DNAJC11: variants seen among roughly 807,000 people sequenced by gnomAD.
The protein encoded by DNAJC11 is dnaJ homolog subfamily C member 11.
A neutral mutation model predicts 78.6 loss-of-function variants in DNAJC11; 15 were observed. That is an observed-to-expected ratio of 0.19 (90% confidence interval 0.13 to 0.29). DNAJC11 has a LOEUF of 0.29. DNAJC11 is among the 10% of genes least tolerant of loss of function. The probability of loss-of-function intolerance (pLI) is 1.00; values close to 1 mark genes in which losing one functional copy is unlikely to be tolerated. For missense variants in DNAJC11, 547 were observed against 709.6 expected (o/e 0.77, Z 2.60); for synonymous variants, 292 against 272.1 (o/e 1.07, Z -0.72).
At chr1:6,647,213 C>T (rs1308259085) in intron 7 of DNAJC11, among the ~76,000 whole-genome samples, 4 of 150,624 alleles carry the variant, frequency 2.7e-5, no homozygotes, top group Non-Finnish European at 5.9e-5. Context: ...TCCTGGGTAG[C>T]TGGGACTACA....
chr1:6,638,233 CAT>C, intron 12 of DNAJC11, 60 bp downstream of exon 12: 6 of 1,535,554 alleles, frequency 3.9e-6, no homozygotes, highest in Non-Finnish European at 5.3e-6. Flanking sequence ...CTGAGACCAA[CAT>C]GTGGGGTGTG....
At chr1:6,673,553 A>C (rs926556723) in intron 3 of DNAJC11, among the ~76,000 whole-genome samples, 1 of 152,208 alleles carries the variant, frequency 6.6e-6, no homozygotes, top group African/African-American at 2.4e-5. Context: ...GAAACGCTAC[A>C]ACAACAGTAC....
Position 6,635,485 on chromosome 1 carries a change from C to T in DNAJC11, c.*190G>A. 1.6e-6 allele frequency: 1 copy of T among 607,518 alleles called. No individual in the cohort carries two copies. Among genetic ancestry groups the T allele is most frequent in the Admixed American group, 3.0e-5 (1 of 33,102 alleles). The allele number at this position is 607,518 out of a possible 1,614,324, so 37.6% of individuals were successfully genotyped here. A position where few individuals can be genotyped will look rare whatever the true frequency, so the allele number is the denominator to read the frequency against. On this transcript the variant is annotated 3_prime_UTR_variant, in exon 16 of 16. Coordinates refer to ENST00000377577, the MANE Select transcript of DNAJC11 (RefSeq NM_018198.4). ...AGTCTGGTTCCCAGTGGGGCTGCCT[C>T]AGTCCTACCCCCAGCACCCTCAAAA...
chr1:6,672,619 G>A (rs1642397244), intron 3 of DNAJC11, among the ~76,000 whole-genome samples: 1 of 152,196 alleles, frequency 6.6e-6, no homozygotes, highest in Non-Finnish European at 1.5e-5. Flanking sequence ...GAGCGGTGAA[G>A]ACACTTAGCA....
chr1:6,644,583 G>A lies in DNAJC11; in HGVS notation c.1072C>T (p.Pro358Ser). The A allele has an allele frequency of 6.2e-7, 1 of 1,614,086 alleles. No individual in the cohort carries two copies. Among genetic ancestry groups the A allele is most frequent in the African/African-American group, 1.3e-5 (1 of 75,044 alleles). ...TTGACTTTGAGAGAAACACCCTGTG[G>A]AACTCCAACGCTGACAGCTGCACCC... ...VLGAAVSVGV[P>S]QGVSLKVKLN... The change falls in exon 10 of 16, where the codon CCA becomes TCA. Residue 358 changes from proline to serine, a missense_variant. Coordinates refer to ENST00000377577, the MANE Select transcript of DNAJC11 (RefSeq NM_018198.4).
At chr1:6,649,090 T>G (rs950628279) in intron 7 of DNAJC11, among the ~76,000 whole-genome samples, 1 of 152,198 alleles carries the variant, frequency 6.6e-6, no homozygotes, top group Non-Finnish European at 1.5e-5. Flanking sequence ...CCTCCCGGGT[T>G]CAAGCAATCC....
intron 7 of DNAJC11, among the ~76,000 whole-genome samples, chr1:6,650,528 T>C (rs908702789): frequency 1.3e-5 from 2 of 151,464 alleles, no homozygotes; most frequent in Non-Finnish European, 1.5e-5. Context: ...ATCGGACTAT[T>C]GCACTCTAGC....
chr1:6,673,349 C>A (rs767700440), intron 3 of DNAJC11, among the ~76,000 whole-genome samples: 12 of 151,604 alleles, frequency 7.9e-5, no homozygotes, highest in Admixed American at 2.0e-4. Flanking sequence ...AGGAGATATC[C>A]AAAAGCTAGG....
chr1:6,658,002 T>C (rs1043794920), intron 4 of DNAJC11, among the ~76,000 whole-genome samples: 1 of 152,210 alleles, frequency 6.6e-6, no homozygotes, highest in Non-Finnish European at 1.5e-5. Flanking sequence ...AACTTATGTT[T>C]CAAATCCTGT....
At chr1:6,699,143 T>C (rs1009466409) in intron 1 of DNAJC11, among the ~76,000 whole-genome samples, 1 of 150,802 alleles carries the variant, frequency 6.6e-6, no homozygotes, top group African/African-American at 2.4e-5. Context: ...CTACAAAAGA[T>C]ACAAAAATTA....
intron 4 of DNAJC11, among the ~76,000 whole-genome samples, chr1:6,657,908 G>A (rs983857304): frequency 6.6e-6 from 1 of 152,340 alleles, no homozygotes; most frequent in South Asian, 2.1e-4. Context: ...GCCTCCCAAA[G>A]TGCTGGGATT....
At chr1:6,648,140 A>AT (rs1557469954) in intron 7 of DNAJC11, among the ~76,000 whole-genome samples, 2 of 152,012 alleles carry the variant, frequency 1.3e-5, no homozygotes, top group African/African-American at 4.8e-5. Flanking sequence ...CCCCTCCCTC[A>AT]TAAGACCCAA....
intron 1 of DNAJC11, among the ~76,000 whole-genome samples, chr1:6,692,341 A>C (rs1642759194): frequency 6.6e-6 from 1 of 151,170 alleles, no homozygotes; most frequent in East Asian, 1.9e-4. Flanking sequence ...GCTTCTCTAA[A>C]CTCCACTTCC....
At chr1:6,646,268 C>T (rs1641964308) in intron 7 of DNAJC11, among the ~76,000 whole-genome samples, 1 of 152,208 alleles carries the variant, frequency 6.6e-6, no homozygotes, top group Admixed American at 6.5e-5. Flanking sequence ...TGCAACCCCA[C>T]TCAAGTTAGA....
chr1:6,690,958 G>C (rs192287072), intron 1 of DNAJC11, among the ~76,000 whole-genome samples: 7 of 152,184 alleles, frequency 4.6e-5, no homozygotes, highest in Non-Finnish European at 1.0e-4. Context: ...ACTTTGGAAA[G>C]AGCTTAGCAG....
At chr1:6,667,278 G>A (rs1227761617) in intron 4 of DNAJC11, among the ~76,000 whole-genome samples, 2 of 152,142 alleles carry the variant, frequency 1.3e-5, no homozygotes, top group African/African-American at 4.8e-5. Flanking sequence ...GTATCCTAAC[G>A]GGTAAGCAAG....
At chr1:6,673,588 C>T (rs1006968001) in intron 3 of DNAJC11, among the ~76,000 whole-genome samples, 2 of 152,144 alleles carry the variant, frequency 1.3e-5, no homozygotes, top group Non-Finnish European at 2.9e-5. Flanking sequence ...TAGCCTGCAC[C>T]CAGGTTCCCC....
chr1:6,651,449 T>C, intron 7 of DNAJC11, 80 bp downstream of exon 7: 1 of 1,262,184 alleles, frequency 7.9e-7, no homozygotes. Context: ...TGCCAACCAC[T>C]GTGATAAAAA....
intron 11 of DNAJC11, 38 bp downstream of exon 11, chr1:6,639,864 G>A (rs1451949167): frequency 6.3e-7 from 1 of 1,597,816 alleles, no homozygotes; most frequent in East Asian, 2.2e-5. Flanking sequence ...CTGAGGCACA[G>A]GGCTGGCTAG....
Sources: allele counts gnomAD v4.1 joint callset (sites outside exome capture counted in the v4.1 genomes callset), GRCh38; gene constraint gnomAD v4.1.1; transcripts MANE v1.5; gene names NCBI Gene and HGNC (gene_info 2026-07-23, HGNC 2026-07-21).